CREB3L2: variants seen among roughly 807,000 people sequenced by gnomAD.
CREB3L2 encodes cyclic AMP-responsive element-binding protein 3-like protein 2.
CREB3L2 carries 23 observed loss-of-function variants against 57.2 expected under a neutral mutation model. That is an observed-to-expected ratio of 0.40 (90% confidence interval 0.29 to 0.57). The LOEUF (loss-of-function observed/expected upper bound fraction) is 0.57. Among genes scored for constraint, CREB3L2 ranks in the 20% least tolerant of loss-of-function variants. The pLI is 0.42. For synonymous variants in CREB3L2, 268 were observed against 265.1 expected (o/e 1.01, Z -0.11); for missense variants, 628 against 634.7 (o/e 0.99, Z 0.11).
intron 4 of CREB3L2, 173 bp downstream of exon 4, chr7:137,912,818 G>A (rs777282722): frequency 9.3e-6 from 14 of 1,510,312 alleles, no homozygotes; most frequent in Non-Finnish European, 1.2e-5. Context: ...TAGTTAGCTT[G>A]CAAAATTTTT....
chr7:137,989,648 C>T lies in CREB3L2; in HGVS notation c.102+11956G>A, dbSNP rs75388015. ...CCCAAATCTACATCTCCAGTCCAGA[C>T]CTTTCTCCAGAACTCCAGACCCAAG... On this transcript the variant is annotated intron_variant, in intron 1 of 11. Transcript: ENST00000330387. 5.2e-3 allele frequency among the ~76,000 whole-genome samples: 789 copies of T among 152,178 alleles called. 7 individuals carry two copies. Among genetic ancestry groups the T allele is most frequent in the African/African-American group, 0.018 (754 of 41,526 alleles).
At chr7:137,994,144 T>A (rs895801517) in intron 1 of CREB3L2, among the ~76,000 whole-genome samples, 8 of 152,278 alleles carry the variant, frequency 5.3e-5, no homozygotes, top group African/African-American at 1.9e-4. Context: ...ATAAGATCAC[T>A]CATTTGGACA....
chr7:137,982,646 A>G (rs1198576666), intron 1 of CREB3L2, among the ~76,000 whole-genome samples: 2 of 152,178 alleles, frequency 1.3e-5, no homozygotes, highest in Non-Finnish European at 2.9e-5. Flanking sequence ...TTCCACCAAG[A>G]TTGTGAGGCC....
chr7:137,981,091 C>CA (rs1801703010), intron 1 of CREB3L2, among the ~76,000 whole-genome samples: 1 of 152,134 alleles, frequency 6.6e-6, no homozygotes, highest in Non-Finnish European at 1.5e-5. Context: ...TTCAGGTCCT[C>CA]ACACCTGTCA....
At chr7:137,882,122 T>G (rs1273049051) in intron 11 of CREB3L2, among the ~76,000 whole-genome samples, 2 of 152,160 alleles carry the variant, frequency 1.3e-5, no homozygotes, top group Admixed American at 1.3e-4. Flanking sequence ...GAAGGGAGGA[T>G]GGAGACAGTG....
At chr7:137,933,696 T>G (rs1053374927) in intron 1 of CREB3L2, 1 of 152,190 alleles carries the variant, frequency 6.6e-6, no homozygotes, top group Non-Finnish European at 1.5e-5. Flanking sequence ...CCCAAGAATT[T>G]AGCAAGGTGG....
At chr7:137,918,670 C>A (rs1387419476) in intron 2 of CREB3L2, among the ~76,000 whole-genome samples, 2 of 152,024 alleles carry the variant, frequency 1.3e-5, no homozygotes, top group Admixed American at 1.3e-4. Context: ...AAGGCCAGAT[C>A]CCTTGACTGT....
intron 2 of CREB3L2, among the ~76,000 whole-genome samples, chr7:137,918,732 A>G (rs1453436452): frequency 6.6e-6 from 1 of 152,096 alleles, no homozygotes; most frequent in African/African-American, 2.4e-5. Flanking sequence ...ACAAAAGAAG[A>G]GGCAAAAGTT....
intron 1 of CREB3L2, among the ~76,000 whole-genome samples, chr7:137,993,567 C>T (rs553427184): frequency 3.3e-4 from 51 of 152,254 alleles, no homozygotes; most frequent in Admixed American, 2.0e-4. Context: ...TTGCCCAGTC[C>T]GGAGTATAGA....
rs181007664 is a variant in CREB3L2, at chr7:137,919,377, G to A, written c.320-3365C>T. ...AGTAGAGACGGGGTTTCACCATGTT[G>A]GCTAGGCTGGTCTCAAACTCCTGAC... is the stretch of plus-strand genomic sequence containing the variant. On this transcript the variant is annotated intron_variant, in intron 2 of 11. Coordinates refer to ENST00000330387, the MANE Select transcript of CREB3L2 (RefSeq NM_194071.4). Among the ~76,000 whole-genome samples the A allele has an allele frequency of 5.6e-4, 85 of 152,094 alleles. 2 individuals carry two copies. In the East Asian group the frequency reaches 0.013, roughly 23 times the overall value.
rs1799128456 is a variant in CREB3L2, at chr7:137,875,512, GA to G, written c.*4963del. 1 of 223,372 alleles carries G rather than the reference GA, an allele frequency of 4.5e-6. No homozygotes were observed. Among genetic ancestry groups the G allele is most frequent in the Non-Finnish European group, 9.0e-6 (1 of 111,722 alleles). 13.8% of individuals were successfully genotyped at this position (223,372 alleles called of 1,614,324 possible). On this transcript the variant is annotated 3_prime_UTR_variant, in exon 12 of 12. Coordinates refer to ENST00000330387, the MANE Select transcript of CREB3L2 (RefSeq NM_194071.4). ...CCCCAGATGTAAAGCCTGCTAGCTG[GA>G]ACTCACAGAAGATTGGAACAAAAAG...
In CREB3L2 at chr7:138,001,789, T is replaced by A; in HGVS notation, c.-84A>T. 1 of 978,064 alleles carries A rather than the reference T, an allele frequency of 1.0e-6. No homozygotes were observed. The highest frequency in any genetic ancestry group is 1.4e-6 in the Non-Finnish European group (1 of 691,222). The allele number at this position is 978,064 out of a possible 1,614,324, so 60.6% of individuals were successfully genotyped here. A position where few individuals can be genotyped will look rare whatever the true frequency, so the allele number is the denominator to read the frequency against. On this transcript the variant is annotated 5_prime_UTR_variant, in exon 1 of 12. Transcript: ENST00000330387. The surrounding 1 kb of genome is among the most constrained non-coding windows in gnomAD (Gnocchi z 4.2). ...GCCTCGGACCGGCAAGGTTCCTCTC[T>A]CTCCGCGTGTGCTTGCGTGTGTGCG...
At chr7:137,984,223 C>A (rs925324945) in intron 1 of CREB3L2, among the ~76,000 whole-genome samples, 1 of 152,192 alleles carries the variant, frequency 6.6e-6, no homozygotes, top group Non-Finnish European at 1.5e-5. Context: ...ATCCATCCTA[C>A]CCGTCTTCCT....
intron 8 of CREB3L2, among the ~76,000 whole-genome samples, chr7:137,888,026 CACTGCAGCCTCA>C (rs1799461492): frequency 2.6e-5 from 4 of 152,196 alleles, no homozygotes; most frequent in Admixed American, 2.0e-4. Context: ...GACCACAGCT[CACTGCAGCCTCA>C]ACCTCCTGAA....
At chr7:137,963,865 T>C (rs1255490419) in intron 1 of CREB3L2, among the ~76,000 whole-genome samples, 1 of 152,190 alleles carries the variant, frequency 6.6e-6, no homozygotes, top group East Asian at 1.9e-4. Flanking sequence ...TTTTGTTCAA[T>C]GTTAGGATAG....
In CREB3L2 at chr7:137,888,866, C is replaced by T. The variant is rs756303181; in HGVS notation, c.1044-3364G>A. ...GTGGCCGCAAGGTGCTGAAGTTTAG[C>T]TATGCTCTGGGCATGAGGGGGTAAG... is the stretch of plus-strand genomic sequence containing the variant. On this transcript the variant is annotated intron_variant, in intron 8 of 11. Transcript: ENST00000330387. Among the ~76,000 whole-genome samples, 32 of 152,162 alleles carry T rather than the reference C, an allele frequency of 2.1e-4. 1 individual carries two copies. The highest frequency in any genetic ancestry group is 6.3e-4 in the African/African-American group (26 of 41,554).
At chr7:137,960,508 C>T (rs1359562946) in intron 1 of CREB3L2, among the ~76,000 whole-genome samples, 2 of 152,030 alleles carry the variant, frequency 1.3e-5, no homozygotes, top group Non-Finnish European at 2.9e-5. Flanking sequence ...TGATTTTGTC[C>T]AAAGCCTTTC....
chr7:137,899,067 G>GAA lies in CREB3L2; in HGVS notation c.1043+2285_1043+2286dup, dbSNP rs1227012840. On this transcript the variant is annotated intron_variant, in intron 8 of 11. Coordinates refer to ENST00000330387, the MANE Select transcript of CREB3L2 (RefSeq NM_194071.4). Reference sequence around the variant, plus strand: ...AAAAAGAAAGAAAGAAAAAGAAAGAGAAAGAAAGAAAAGGAAGAAAAAGGA... The same window carrying GAA: ...AAAAAGAAAGAAAGAAAAAGAAAGAGAAAAAGAAAGAAAAGGAAGAAAAAGGA... Among the ~76,000 whole-genome samples the GAA allele has an allele frequency of 1.3e-3, 43 of 34,128 alleles. 1 individual carries two copies. The highest frequency in any genetic ancestry group is 3.0e-3 in the African/African-American group (27 of 8,978). The allele number at this position is 34,128 out of a possible 152,430, so 22.4% of individuals were successfully genotyped here.
chr7:137,937,001 GA>G (rs1479602367), intron 1 of CREB3L2, among the ~76,000 whole-genome samples: 1 of 152,150 alleles, frequency 6.6e-6, no homozygotes, highest in East Asian at 1.9e-4. Flanking sequence ...ATAGGATTCA[GA>G]AAGCAGAACC....
Sources: gnomAD v4.1 joint callset for allele counts (sites outside exome capture counted in the v4.1 genomes callset) on GRCh38, gnomAD v4.1.1 for gene constraint, Gnocchi (gnomAD v3.1) non-coding constraint, MANE v1.5 for transcripts, NCBI Gene and HGNC (gene_info 2026-07-23, HGNC 2026-07-21) for gene names.